CCSER1: variants seen among roughly 807,000 people sequenced by gnomAD.
The protein encoded by CCSER1 is coiled-coil serine rich protein 1, also known as serine-rich coiled-coil domain-containing protein 1.
A neutral mutation model predicts 82.0 loss-of-function variants in CCSER1; 41 were observed. The ratio of observed to expected loss-of-function variants is 0.50; its 90% CI spans 0.39 to 0.65. The LOEUF is 0.65. CCSER1 is among the 30% of genes least tolerant of loss of function. CCSER1 has a pLI of 0.00. For missense variants in CCSER1, 1,119 were observed against 1,064.2 expected (o/e 1.05, Z -0.72); for synonymous variants, 414 against 383.9 (o/e 1.08, Z -0.92).
rs1187269141 is a variant in CCSER1 at position 90,628,034 on chromosome 4, C to T, written c.1734C>T (p.Ser578=). ...EFPEPSKQNL[S]LKLTKDVDQE... is the part of the protein sequence containing the mutation. Reference sequence around the variant, plus strand: ...TTTTTTTTCTTGTTAGGAATCTTTCCCTGAAATTAACAAAGGACGTTGATC... The same window carrying T: ...TTTTTTTTCTTGTTAGGAATCTTTCTCTGAAATTAACAAAGGACGTTGATC... Residue 578 remains serine, a synonymous_variant, in exon 6 of 11, where the codon TCC becomes TCT. Transcript: ENST00000509176. 1 of 1,613,062 alleles carries T rather than the reference C, an allele frequency of 6.2e-7. No individual in the cohort carries two copies.
At chr4:91,403,345 T>G (rs926805910) in intron 10 of CCSER1, among the ~76,000 whole-genome samples, 6 of 152,082 alleles carry the variant, frequency 3.9e-5, no homozygotes, top group Non-Finnish European at 8.8e-5. Flanking sequence ...CTGCAAACAG[T>G]GACAATTTCA....
At chr4:90,256,269 A>G (rs975558740) in intron 1 of CCSER1, among the ~76,000 whole-genome samples, 4 of 152,168 alleles carry the variant, frequency 2.6e-5, no homozygotes, top group Non-Finnish European at 4.4e-5. Context: ...TTACAAAAAT[A>G]TGTAATATAA....
At chr4:91,024,253 A>C (rs2150535700) in intron 9 of CCSER1, among the ~76,000 whole-genome samples, 1 of 152,322 alleles carries the variant, frequency 6.6e-6, no homozygotes, top group African/African-American at 2.4e-5. Flanking sequence ...TACCAAGTTT[A>C]GAAACTGAAA....
At position 90,884,619 on chromosome 4, in the gene CCSER1, G is replaced by A. The variant is rs551686565; in HGVS notation, c.2095-38751G>A. On this transcript the variant is annotated intron_variant, in intron 8 of 10. Coordinates refer to ENST00000509176, the MANE Select transcript of CCSER1 (RefSeq NM_001145065.2). Reference sequence around the variant, plus strand: ...AAATTCTGAAGGAGCAGAAAAAAATGTTAAAATTTGACAAACCTGCTTAGT... The same window carrying A: ...AAATTCTGAAGGAGCAGAAAAAAATATTAAAATTTGACAAACCTGCTTAGT... Among the ~76,000 whole-genome samples, 92 of 152,176 alleles carry A rather than the reference G, an allele frequency of 6.0e-4. 1 individual carries two copies. The highest frequency in any genetic ancestry group is 3.4e-3 in the Middle Eastern group (1 of 292).
At chr4:90,387,782 G>A (rs1003751353) in intron 3 of CCSER1, among the ~76,000 whole-genome samples, 2 of 152,146 alleles carry the variant, frequency 1.3e-5, no homozygotes, top group Admixed American at 6.5e-5. Flanking sequence ...TACAACAGAA[G>A]CTTACATTTG....
At chr4:90,989,041 A>G (rs1329304899) in intron 9 of CCSER1, among the ~76,000 whole-genome samples, 4 of 151,818 alleles carry the variant, frequency 2.6e-5, no homozygotes, top group Admixed American at 2.6e-4. Flanking sequence ...CCATTTAGCA[A>G]TCCATGACAT....
At chr4:90,889,061 G>T (rs1453250500) in intron 8 of CCSER1, among the ~76,000 whole-genome samples, 1 of 152,074 alleles carries the variant, frequency 6.6e-6, no homozygotes, top group Non-Finnish European at 1.5e-5. Context: ...AAAGGTAAAA[G>T]AACGGAAGAA....
At chr4:90,388,405 G>A (rs1385121630) in intron 3 of CCSER1, among the ~76,000 whole-genome samples, 2 of 152,024 alleles carry the variant, frequency 1.3e-5, no homozygotes, top group Admixed American at 6.6e-5. Context: ...TGCCCGCTGG[G>A]TTCAAGCGAT....
intron 10 of CCSER1, among the ~76,000 whole-genome samples, chr4:91,121,287 A>C (rs1727068957): frequency 6.6e-6 from 1 of 151,794 alleles, no homozygotes; most frequent in South Asian, 2.1e-4. Flanking sequence ...AATAATGAAA[A>C]ATGATTTATT....
chr4:91,228,591 A>G (rs1448369002), intron 10 of CCSER1, among the ~76,000 whole-genome samples: 2 of 152,042 alleles, frequency 1.3e-5, no homozygotes, highest in Non-Finnish European at 2.9e-5. Context: ...CAGAAAGAAT[A>G]AGATCATTTT....
intron 3 of CCSER1, among the ~76,000 whole-genome samples, chr4:90,364,472 T>C (rs572845208): frequency 3.6e-4 from 55 of 152,164 alleles, no homozygotes; most frequent in African/African-American, 9.9e-4. Context: ...AAAAATATGA[T>C]ATTCAACTTA....
At chr4:91,452,654 G>C (rs1755934825) in intron 10 of CCSER1, among the ~76,000 whole-genome samples, 1 of 152,104 alleles carries the variant, frequency 6.6e-6, no homozygotes, top group East Asian at 1.9e-4. Context: ...GATGGAAAAT[G>C]AAATTCATAC....
Position 90,364,541 on chromosome 4 carries a change from A to G in CCSER1, c.1510-35495A>G, listed in dbSNP as rs1745935305. On this transcript the variant is annotated intron_variant, in intron 3 of 10. Transcript: ENST00000509176. ...TGTAAAGCCAAATATATATTTATCAAAAATCTGCTTAAACATTGTATAGAG... is the reference window on the plus strand; with the variant it reads ...TGTAAAGCCAAATATATATTTATCAGAAATCTGCTTAAACATTGTATAGAG... Among the ~76,000 whole-genome samples, 3 of 152,102 alleles carry G rather than the reference A, an allele frequency of 2.0e-5. 1 individual carries two copies. Among genetic ancestry groups the G allele is most frequent in the Admixed American group, 6.6e-5 (1 of 15,260 alleles).
At chr4:90,245,347 T>C (rs1157387614) in intron 1 of CCSER1, among the ~76,000 whole-genome samples, 1 of 152,192 alleles carries the variant, frequency 6.6e-6, no homozygotes, top group Non-Finnish European at 1.5e-5. Context: ...TGATTTTTGT[T>C]GCTGTTCTTT....
At chr4:90,318,175 A>T (rs571126347) in intron 3 of CCSER1, among the ~76,000 whole-genome samples, 1 of 152,234 alleles carries the variant, frequency 6.6e-6, no homozygotes, top group Non-Finnish European at 1.5e-5. Context: ...TGAAGAATTC[A>T]TATATACTAC....
intron 4 of CCSER1, among the ~76,000 whole-genome samples, chr4:90,458,716 G>A (rs1304795747): frequency 6.6e-6 from 1 of 152,152 alleles, no homozygotes; most frequent in African/African-American, 2.4e-5. Flanking sequence ...TGAACAACAA[G>A]TCATAAACCT....
At chr4:91,371,987 C>G (rs548963438) in intron 10 of CCSER1, among the ~76,000 whole-genome samples, 4 of 152,092 alleles carry the variant, frequency 2.6e-5, no homozygotes, top group Non-Finnish European at 5.9e-5. Flanking sequence ...TTACTTTTAC[C>G]TCAAAGATGT....
intron 10 of CCSER1, among the ~76,000 whole-genome samples, chr4:91,182,574 A>G (rs1012867856): frequency 3.9e-5 from 6 of 152,218 alleles, no homozygotes; most frequent in African/African-American, 1.4e-4. Flanking sequence ...GTCCTTGAGA[A>G]TTGTATGGGA....
chr4:90,415,145 A>G (rs931318207), intron 4 of CCSER1, among the ~76,000 whole-genome samples: 1 of 152,224 alleles, frequency 6.6e-6, no homozygotes, highest in African/African-American at 2.4e-5. Context: ...TATATCATCA[A>G]TCATTCAATC....
Sources: gnomAD v4.1 joint callset for allele counts (sites outside exome capture counted in the v4.1 genomes callset) on GRCh38, gnomAD v4.1.1 for gene constraint, MANE v1.5 for transcripts, NCBI Gene and HGNC (gene_info 2026-07-23, HGNC 2026-07-21) for gene names.